RABGAP1L: variants seen among roughly 807,000 people sequenced by gnomAD.
The protein encoded by RABGAP1L is RAB GTPase activating protein 1 like.
Under a neutral mutation model 137.7 loss-of-function variants are expected in RABGAP1L, and 63 were observed. The observed-to-expected ratio is 0.46, with a 90% confidence interval of 0.37 to 0.56. The LOEUF is 0.56. RABGAP1L is among the 20% of genes least tolerant of loss of function. The probability of loss-of-function intolerance (pLI) is 0.00; values close to 1 mark genes in which losing one functional copy is unlikely to be tolerated. For synonymous variants in RABGAP1L, 431 were observed against 433.7 expected (o/e 0.99, Z 0.08); for missense variants, 1,095 against 1,244.0 (o/e 0.88, Z 1.80).
chr1:174,324,529 T>C (rs1014726457), intron 11 of RABGAP1L, among the ~76,000 whole-genome samples: 3 of 152,196 alleles, frequency 2.0e-5, no homozygotes, highest in Non-Finnish European at 4.4e-5. Context: ...TTTTCAGTTA[T>C]TAGAAATAGT....
intron 18 of RABGAP1L, among the ~76,000 whole-genome samples, chr1:174,789,798 A>G (rs1687717744): frequency 6.6e-6 from 1 of 152,214 alleles, no homozygotes; most frequent in Non-Finnish European, 1.5e-5. Context: ...AGCTGAGACA[A>G]GGATCTTATT....
intron 12 of RABGAP1L, among the ~76,000 whole-genome samples, chr1:174,378,183 CATT>C (rs1685745176): frequency 6.7e-6 from 1 of 148,458 alleles, no homozygotes; most frequent in Non-Finnish European, 1.5e-5. Context: ...TCCAGTCTAT[CATT>C]GTTGGACATT....
At chr1:174,672,781 T>G (rs1167962066) in intron 14 of RABGAP1L, among the ~76,000 whole-genome samples, 1 of 152,152 alleles carries the variant, frequency 6.6e-6, no homozygotes, top group Non-Finnish European at 1.5e-5. Context: ...TTCCTCCTGT[T>G]ACTGATTTCT....
At chr1:174,348,384 T>A (rs1490070730) in intron 11 of RABGAP1L, among the ~76,000 whole-genome samples, 2 of 150,788 alleles carry the variant, frequency 1.3e-5, no homozygotes, top group Admixed American at 1.3e-4. Flanking sequence ...TAATAAAAAA[T>A]CCACACTTTA....
At chr1:174,684,957 G>C (rs769769901) in intron 15 of RABGAP1L, among the ~76,000 whole-genome samples, 6 of 151,568 alleles carry the variant, frequency 4.0e-5, no homozygotes, top group Admixed American at 1.3e-4. Context: ...GTCCAGCTTG[G>C]GCAATAGAAG....
rs1160429056 is a variant in RABGAP1L at position 174,753,754 on chromosome 1, T to A, written c.2211+1400T>A. ...TTTTAGAATGCCTAAGCATTGAAAG[T>A]ATATGTAATACAGACTAAAAAAATA... is the stretch of plus-strand genomic sequence containing the variant. On this transcript the variant is annotated intron_variant, in intron 18 of 25. Coordinates refer to ENST00000681986, the MANE Select transcript of RABGAP1L (RefSeq NM_001366446.1). Among the ~76,000 whole-genome samples, 3 of 152,186 alleles carry A rather than the reference T, an allele frequency of 2.0e-5. No individual in the cohort carries two copies. The East Asian group carries it at 5.8e-4, about 29-fold the overall frequency.
chr1:174,667,750 G>A (rs1676890212), intron 14 of RABGAP1L, among the ~76,000 whole-genome samples: 1 of 152,026 alleles, frequency 6.6e-6, no homozygotes. Flanking sequence ...CTATGACCTG[G>A]TTATTTACTC....
intron 19 of RABGAP1L, among the ~76,000 whole-genome samples, chr1:174,898,176 G>A (rs1035975170): frequency 6.6e-5 from 10 of 152,098 alleles, no homozygotes; most frequent in Non-Finnish European, 1.0e-4. Flanking sequence ...CATCTTAATA[G>A]CACTAATACA....
At chr1:174,705,946 T>C (rs1057313924) in intron 17 of RABGAP1L, among the ~76,000 whole-genome samples, 155 of 152,184 alleles carry the variant, frequency 1.0e-3, no homozygotes, top group Non-Finnish European at 1.9e-4. Flanking sequence ...TACGACTCAA[T>C]GTTTACTTAA....
At chr1:174,965,821 T>C (rs1443171749) in intron 20 of RABGAP1L, among the ~76,000 whole-genome samples, 4 of 152,234 alleles carry the variant, frequency 2.6e-5, no homozygotes, top group Non-Finnish European at 5.9e-5. Flanking sequence ...CAAAAGCCAG[T>C]AGGCGTGCCC....
intron 20 of RABGAP1L, among the ~76,000 whole-genome samples, chr1:174,959,338 A>G (rs947613109): frequency 6.6e-6 from 1 of 152,244 alleles, no homozygotes; most frequent in South Asian, 2.1e-4. Flanking sequence ...TCTTATTACT[A>G]CAATTATTAT....
intron 12 of RABGAP1L, among the ~76,000 whole-genome samples, chr1:174,384,470 C>G (rs12091056): frequency 4.6e-5 from 7 of 150,874 alleles, no homozygotes; most frequent in Non-Finnish European, 1.0e-4. Flanking sequence ...TGAGTTTTAA[C>G]TGCAGTAGGT....
intron 3 of RABGAP1L, among the ~76,000 whole-genome samples, chr1:174,228,163 G>A (rs552547195): frequency 5.8e-4 from 88 of 151,644 alleles, no homozygotes; most frequent in Non-Finnish European, 1.1e-3. Context: ...TATAATAGTC[G>A]TATAGGCCTT....
At chr1:174,797,689 G>GATGT (rs1688368470) in intron 18 of RABGAP1L, among the ~76,000 whole-genome samples, 1 of 136,090 alleles carries the variant, frequency 7.3e-6, no homozygotes, top group Non-Finnish European at 1.6e-5. Context: ...GGTGTGGGGG[G>GATGT]ATGTGTGTGT....
chr1:174,383,574 T>G (rs548322573), intron 12 of RABGAP1L, among the ~76,000 whole-genome samples: 2 of 152,282 alleles, frequency 1.3e-5, no homozygotes, highest in East Asian at 3.9e-4. Flanking sequence ...CGTCACCGCT[T>G]TCTTTGACTG....
At chr1:174,352,347 G>T (rs569230560) in intron 11 of RABGAP1L, among the ~76,000 whole-genome samples, 7 of 151,862 alleles carry the variant, frequency 4.6e-5, no homozygotes, top group African/African-American at 1.7e-4. Context: ...CAATTCTGGT[G>T]TTGAAAGACT....
intron 18 of RABGAP1L, among the ~76,000 whole-genome samples, chr1:174,768,120 C>T (rs961992689): frequency 9.9e-5 from 15 of 152,152 alleles, no homozygotes; most frequent in African/African-American, 3.6e-4. Context: ...ATCTTGTAGA[C>T]ATATTTTTAC....
intron 17 of RABGAP1L, among the ~76,000 whole-genome samples, chr1:174,712,931 T>C (rs1680685581): frequency 2.0e-5 from 3 of 152,080 alleles, no homozygotes; most frequent in African/African-American, 4.8e-5. Flanking sequence ...CCCAGGGTCT[T>C]GGGGATTTTA....
chr1:174,926,169 G>A (rs946081946), intron 19 of RABGAP1L, among the ~76,000 whole-genome samples: 9 of 152,042 alleles, frequency 5.9e-5, no homozygotes, highest in Non-Finnish European at 1.2e-4. Context: ...TCCTGAGCTA[G>A]TATGTCACAG....
Sources: allele counts gnomAD v4.1 joint callset (sites outside exome capture counted in the v4.1 genomes callset), GRCh38; gene constraint gnomAD v4.1.1; transcripts MANE v1.5; gene names NCBI Gene and HGNC (gene_info 2026-07-23, HGNC 2026-07-21).